Variants in FHIT observed in about 807,000 individuals in gnomAD.
The protein encoded by FHIT is bis(5'-adenosyl)-triphosphatase.
A neutral mutation model predicts 17.9 loss-of-function variants in FHIT; 19 were observed. That is an observed-to-expected ratio of 1.06 (90% CI 0.74 to 1.56). The LOEUF is 1.56. Ranked by LOEUF, FHIT falls within the 40% of genes most tolerant of loss-of-function variation. The probability of loss-of-function intolerance (pLI) is 0.00; values close to 1 mark genes in which losing one functional copy is unlikely to be tolerated. For missense variants in FHIT, 248 were observed against 189.2 expected (o/e 1.31, Z -1.82); for synonymous variants, 81 against 69.7 (o/e 1.16, Z -0.81).
intron 4 of FHIT, among the ~76,000 whole-genome samples, chr3:60,559,766 G>A (rs2036870341): frequency 9.9e-6 from 1 of 100,648 alleles, no homozygotes; most frequent in South Asian, 3.6e-4. Context: ...CCTCTTACGG[G>A]CACTTACACC....
intron 4 of FHIT, among the ~76,000 whole-genome samples, chr3:60,763,788 G>C (rs1553720711): frequency 6.6e-6 from 1 of 152,162 alleles, no homozygotes; most frequent in African/African-American, 2.4e-5. Context: ...TCTCTTGTCA[G>C]GGATAACATT....
chr3:60,433,815 G>A (rs1461600397), intron 5 of FHIT, among the ~76,000 whole-genome samples: 2 of 151,820 alleles, frequency 1.3e-5, no homozygotes, highest in South Asian at 2.1e-4. Context: ...TACATATTTT[G>A]CATATTAGAT....
intron 1 of FHIT, among the ~76,000 whole-genome samples, chr3:61,235,089 T>C (rs1379253697): frequency 6.6e-6 from 1 of 152,256 alleles, no homozygotes; most frequent in Non-Finnish European, 1.5e-5. Context: ...ATTTGCTATG[T>C]CATTGATAAA....
At chr3:60,942,418 A>G (rs1708454429) in intron 3 of FHIT, among the ~76,000 whole-genome samples, 1 of 152,212 alleles carries the variant, frequency 6.6e-6, no homozygotes, top group South Asian at 2.1e-4. Context: ...ATATATATAC[A>G]TAGGGTATCC....
chr3:60,581,699 A>T (rs554647445), intron 4 of FHIT, among the ~76,000 whole-genome samples: 5 of 152,050 alleles, frequency 3.3e-5, no homozygotes, highest in African/African-American at 9.7e-5. Flanking sequence ...TCCTATGTAA[A>T]TGCATTTTTG....
intron 5 of FHIT, among the ~76,000 whole-genome samples, chr3:60,288,347 T>G (rs188295176): frequency 4.7e-4 from 71 of 152,076 alleles, no homozygotes; most frequent in Non-Finnish European, 8.7e-4. Flanking sequence ...GGAGGAGAAT[T>G]TTAAAAGGTA....
intron 8 of FHIT, among the ~76,000 whole-genome samples, chr3:59,922,019 G>C (rs766826292): frequency 7.2e-5 from 11 of 152,114 alleles, no homozygotes; most frequent in Non-Finnish European, 1.0e-4. Flanking sequence ...ATTTCCAGTG[G>C]TAGCACTGTA....
At chr3:60,431,614 C>T (rs1702908959) in intron 5 of FHIT, among the ~76,000 whole-genome samples, 1 of 152,080 alleles carries the variant, frequency 6.6e-6, no homozygotes, top group Non-Finnish European at 1.5e-5. Flanking sequence ...GACGAAGGCT[C>T]AAGTTCTATC....
At chr3:61,214,610 C>T (rs1418275636) in intron 1 of FHIT, among the ~76,000 whole-genome samples, 1 of 152,092 alleles carries the variant, frequency 6.6e-6, no homozygotes. Context: ...CCTTCTGAAA[C>T]TATTCCAATC....
intron 8 of FHIT, among the ~76,000 whole-genome samples, chr3:59,835,487 A>G (rs767649767): frequency 2.2e-4 from 34 of 152,152 alleles, no homozygotes; most frequent in Non-Finnish European, 4.1e-4. Context: ...TGCTGAAGCT[A>G]CAATTTGTTG....
intron 4 of FHIT, among the ~76,000 whole-genome samples, chr3:60,581,430 T>C (rs2037746452): frequency 6.6e-6 from 1 of 152,120 alleles, no homozygotes; most frequent in African/African-American, 2.4e-5. Flanking sequence ...TGCCAGCCAC[T>C]AGGCTGTTTT....
At chr3:60,016,186 T>C (rs1049411569) in intron 5 of FHIT, among the ~76,000 whole-genome samples, 1 of 152,240 alleles carries the variant, frequency 6.6e-6, no homozygotes, top group Admixed American at 6.5e-5. Context: ...AGAATTAAAG[T>C]TACTATATTG....
intron 5 of FHIT, among the ~76,000 whole-genome samples, chr3:60,060,166 T>C (rs1559593620): frequency 6.6e-6 from 1 of 151,398 alleles, no homozygotes; most frequent in Non-Finnish European, 1.5e-5. Flanking sequence ...AAGAACATAA[T>C]GGAAGGTATA....
At chr3:60,782,578 A>G (rs150967516) in intron 4 of FHIT, among the ~76,000 whole-genome samples, 79 of 152,342 alleles carry the variant, frequency 5.2e-4, no homozygotes, top group Non-Finnish European at 9.4e-4. Flanking sequence ...AAGTAAGGCT[A>G]TAAGAAGAAC....
intron 4 of FHIT, among the ~76,000 whole-genome samples, chr3:60,802,952 G>A (rs1701245156): frequency 6.6e-6 from 1 of 152,164 alleles, no homozygotes; most frequent in Non-Finnish European, 1.5e-5. Context: ...GTACAAGGCT[G>A]CTCTCCCAAT....
chr3:60,135,160 A>T (rs1050611128), intron 5 of FHIT, among the ~76,000 whole-genome samples: 2 of 152,172 alleles, frequency 1.3e-5, no homozygotes, highest in African/African-American at 4.8e-5. Flanking sequence ...TGTTTTCAAA[A>T]GATAGATAGA....
chr3:60,502,147 G>C (rs978142738), intron 5 of FHIT, among the ~76,000 whole-genome samples: 1 of 152,188 alleles, frequency 6.6e-6, no homozygotes, highest in Non-Finnish European at 1.5e-5. Flanking sequence ...CACTCTAGAG[G>C]TGTCCCAGGA....
chr3:61,202,952 A>G (rs192887436), intron 1 of FHIT, among the ~76,000 whole-genome samples: 5,666 of 152,092 alleles, frequency 0.037, 128 homozygotes, highest in Middle Eastern at 0.068. Context: ...AGGCCGAGGC[A>G]GGCAGATCAC....
At chr3:60,699,036 A>T (rs2041178524) in intron 4 of FHIT, among the ~76,000 whole-genome samples, 1 of 152,212 alleles carries the variant, frequency 6.6e-6, no homozygotes, top group Non-Finnish European at 1.5e-5. Context: ...TCTATGCCAT[A>T]AGTAACAATC....
Sources: allele counts gnomAD v4.1 joint callset (sites outside exome capture counted in the v4.1 genomes callset), GRCh38; gene constraint gnomAD v4.1.1; transcripts MANE v1.5; gene names NCBI Gene and HGNC (gene_info 2026-07-23, HGNC 2026-07-21).